MCTP1: variants seen among roughly 807,000 people sequenced by gnomAD.
MCTP1 encodes the protein multiple C2 and transmembrane domain-containing protein 1.
In MCTP1, 69 loss-of-function variants were observed where a neutral mutation model predicts 120.6. The ratio of observed to expected loss-of-function variants is 0.57; its 90% CI spans 0.47 to 0.70. MCTP1 has a LOEUF of 0.70. MCTP1 is among the 30% of genes least tolerant of loss of function. The probability of loss-of-function intolerance (pLI) is 0.00; values close to 1 mark genes in which losing one functional copy is unlikely to be tolerated. For synonymous variants in MCTP1, 529 were observed against 493.1 expected (o/e 1.07, Z -0.96); for missense variants, 1,203 against 1,248.8 (o/e 0.96, Z 0.55).
intron 1 of MCTP1, among the ~76,000 whole-genome samples, chr5:95,088,985 C>T (rs972327208): frequency 1.3e-5 from 2 of 152,150 alleles, no homozygotes; most frequent in Non-Finnish European, 2.9e-5. Context: ...AATTTCAGTG[C>T]TATTGTAGGC....
intron 1 of MCTP1, among the ~76,000 whole-genome samples, chr5:95,122,277 T>C (rs552044362): frequency 1.3e-5 from 2 of 150,044 alleles, no homozygotes; most frequent in East Asian, 4.0e-4. Context: ...TCAGAATATA[T>C]AAGGAGCTCA....
At chr5:95,245,132 A>G (rs1418011551) in intron 1 of MCTP1, among the ~76,000 whole-genome samples, 1 of 152,174 alleles carries the variant, frequency 6.6e-6, no homozygotes, top group Admixed American at 6.5e-5. Context: ...AGCATCAACA[A>G]AAAGGACATC....
At chr5:94,952,289 A>G (rs913790199) in intron 3 of MCTP1, among the ~76,000 whole-genome samples, 1 of 151,950 alleles carries the variant, frequency 6.6e-6, no homozygotes, top group Non-Finnish European at 1.5e-5. Flanking sequence ...TAGAAAATTA[A>G]CTGTATCCTT....
chr5:95,273,172 G>A (rs1345196034), intron 1 of MCTP1, among the ~76,000 whole-genome samples: 3 of 152,252 alleles, frequency 2.0e-5, no homozygotes, highest in Admixed American at 1.3e-4. Context: ...AACATCTGGA[G>A]TCCCAGTGTG....
At chr5:94,996,520 T>C (rs1168119524) in intron 2 of MCTP1, among the ~76,000 whole-genome samples, 1 of 152,184 alleles carries the variant, frequency 6.6e-6, no homozygotes, top group East Asian at 1.9e-4. Context: ...AATGGTGTTG[T>C]ATTTGCATAT....
chr5:94,712,759 G>T (rs1420489810), intron 20 of MCTP1, among the ~76,000 whole-genome samples: 2 of 151,720 alleles, frequency 1.3e-5, no homozygotes. Context: ...TGCCTCCCTT[G>T]CTTCTGCTTG....
intron 1 of MCTP1, among the ~76,000 whole-genome samples, chr5:95,224,720 G>A (rs1016733794): frequency 6.6e-6 from 1 of 152,004 alleles, no homozygotes; most frequent in African/African-American, 2.4e-5. Context: ...ATGTTGCCCA[G>A]GCTGGTCTTG....
chr5:94,984,391 C>T (rs1376336019), intron 2 of MCTP1, among the ~76,000 whole-genome samples: 1 of 152,124 alleles, frequency 6.6e-6, no homozygotes, highest in Non-Finnish European at 1.5e-5. Context: ...TTTGCAGGAA[C>T]AAATGAACAT....
chr5:95,274,850 C>T (rs1022823181), intron 1 of MCTP1, among the ~76,000 whole-genome samples: 2 of 152,094 alleles, frequency 1.3e-5, no homozygotes, highest in African/African-American at 4.8e-5. Context: ...GTCTCGATCT[C>T]CTGACCTCGT....
chr5:94,991,769 A>C (rs1480094317), intron 2 of MCTP1, among the ~76,000 whole-genome samples: 2 of 151,784 alleles, frequency 1.3e-5, no homozygotes, highest in African/African-American at 4.8e-5. Flanking sequence ...CCCAGCTACT[A>C]GGGAAGCTGA....
chr5:95,230,270 T>C (rs749209351), intron 1 of MCTP1, among the ~76,000 whole-genome samples: 1 of 151,084 alleles, frequency 6.6e-6, no homozygotes, highest in Non-Finnish European at 1.5e-5. Context: ...ACAAAATATA[T>C]ATATAATTTA....
At chr5:94,912,726 G>T in intron 9 of MCTP1, 80 bp downstream of exon 9, 1 of 1,106,670 alleles carries the variant, frequency 9.0e-7, no homozygotes, top group Non-Finnish European at 1.2e-6. Flanking sequence ...ATTATCTAGT[G>T]GTTTCATCTC....
chr5:95,160,823 A>G (rs1745643769), intron 1 of MCTP1, among the ~76,000 whole-genome samples: 1 of 152,228 alleles, frequency 6.6e-6, no homozygotes, highest in Non-Finnish European at 1.5e-5. Flanking sequence ...AAAAGAAGAC[A>G]TACAATAGCC....
chr5:94,981,988 G>A (rs13160349), intron 2 of MCTP1, among the ~76,000 whole-genome samples: 63,035 of 152,000 alleles, frequency 0.41, 13,500 homozygotes, highest in Middle Eastern at 0.52. Flanking sequence ...TCAAGTTATC[G>A]TTCTTTGATC....
chr5:95,212,031 G>A (rs1301798807), intron 1 of MCTP1, among the ~76,000 whole-genome samples: 4 of 152,128 alleles, frequency 2.6e-5, no homozygotes, highest in Non-Finnish European at 5.9e-5. Context: ...GAGAACTGAA[G>A]GAGATAGAGA....
intron 19 of MCTP1, among the ~76,000 whole-genome samples, chr5:94,740,384 C>T (rs1044952827): frequency 6.6e-6 from 1 of 152,210 alleles, no homozygotes; most frequent in Non-Finnish European, 1.5e-5. Flanking sequence ...GGAAAACATA[C>T]TACTGCTGTA....
At chr5:94,953,844 C>A (rs537874190) in intron 2 of MCTP1, among the ~76,000 whole-genome samples, 3 of 13,984 alleles carry the variant, frequency 2.1e-4, no homozygotes, top group African/African-American at 6.0e-4. Context: ...TATATATATA[C>A]ACAACTATAT....
chr5:94,853,479 TG>T (rs1156749047), intron 17 of MCTP1, among the ~76,000 whole-genome samples: 1 of 152,018 alleles, frequency 6.6e-6, no homozygotes, highest in Non-Finnish European at 1.5e-5. Flanking sequence ...AAGCCAAGTG[TG>T]GCTTGTTACA....
intron 1 of MCTP1, among the ~76,000 whole-genome samples, chr5:95,061,421 T>TTG (rs1749131943): frequency 7.9e-5 from 2 of 25,476 alleles, no homozygotes; most frequent in South Asian, 1.5e-3. Flanking sequence ...TTTTTTTTTT[T>TTG]TTTTTTTTTT....
Sources: gnomAD v4.1 joint callset for allele counts (sites outside exome capture counted in the v4.1 genomes callset) on GRCh38, gnomAD v4.1.1 for gene constraint, MANE v1.5 for transcripts, NCBI Gene and HGNC (gene_info 2026-07-23, HGNC 2026-07-21) for gene names.